Variants in TTYH3 observed in about 807,000 individuals in gnomAD.
TTYH3 encodes protein tweety homolog 3.
TTYH3 carries 23 observed loss-of-function variants against 68.2 expected under a neutral mutation model. That is an observed-to-expected ratio of 0.34 (90% CI 0.24 to 0.48). The LOEUF is 0.48. TTYH3 is among the 20% of genes least tolerant of loss of function. The pLI, the probability that TTYH3 is intolerant of heterozygous loss-of-function variation, is 0.99. For synonymous variants in TTYH3, 360 were observed against 332.8 expected, an observed-to-expected ratio of 1.08 and a Z score of -0.89; for missense variants, 768 against 727.7, an observed-to-expected ratio of 1.06 and a Z score of -0.64.
intron 9 of TTYH3, 110 bp from the exon 10 acceptor site, chr7:2,655,982 C>T (rs1044845024): frequency 5.0e-5 from 43 of 859,444 alleles, no homozygotes; most frequent in African/African-American, 1.0e-4. Context: ...GTATCTCAGT[C>T]GAAGATTATG....
At chr7:2,646,579 C>T (rs1785989427) in intron 1 of TTYH3, among the ~76,000 whole-genome samples, 1 of 152,210 alleles carries the variant, frequency 6.6e-6, no homozygotes, top group Non-Finnish European at 1.5e-5. Context: ...GTTCACCCGG[C>T]CCCTCCTAGT....
chr7:2,638,888 G>C lies in TTYH3; in HGVS notation c.123+6610G>C, dbSNP rs532607619. ...GGGGACCCACGAGGCAAAGGTAGGG[G>C]GACCCACTTCCCAGTGGCGGGCCCC... On this transcript the variant is annotated intron_variant, in intron 1 of 13. Transcript: ENST00000258796. 1.1e-3 allele frequency among the ~76,000 whole-genome samples: 166 copies of C among 152,278 alleles called. 1 individual carries two copies. Among genetic ancestry groups the C allele is most frequent in the Middle Eastern group, 6.8e-3 (2 of 294 alleles).
chr7:2,650,784 C>G (rs1786153551), intron 7 of TTYH3, among the ~76,000 whole-genome samples: 1 of 151,810 alleles, frequency 6.6e-6, no homozygotes, highest in Non-Finnish European at 1.5e-5. Context: ...TTCAAAGCTT[C>G]CTCAGGCCTC....
chr7:2,643,318 G>T (rs1441899290), intron 1 of TTYH3, among the ~76,000 whole-genome samples: 1 of 145,850 alleles, frequency 6.9e-6, no homozygotes, highest in African/African-American at 2.6e-5. Flanking sequence ...TGGCGCCACT[G>T]CACTCCAGCC....
intron 1 of TTYH3, among the ~76,000 whole-genome samples, chr7:2,641,362 G>A (rs890897681): frequency 1.3e-5 from 2 of 151,912 alleles, no homozygotes; most frequent in Non-Finnish European, 2.9e-5. Flanking sequence ...CCCCATGGAT[G>A]CCGTCTGTGG....
At chr7:2,644,088 C>T (rs1375713737) in intron 1 of TTYH3, among the ~76,000 whole-genome samples, 1 of 152,180 alleles carries the variant, frequency 6.6e-6, no homozygotes, top group Admixed American at 6.5e-5. Context: ...GGCTGGTTGA[C>T]ATGGCCCCCA....
In TTYH3 at chr7:2,661,827, C is replaced by A; in HGVS notation, c.*88C>A. The A allele has an allele frequency of 7.0e-7, 1 of 1,421,046 alleles. No homozygotes were observed. Among genetic ancestry groups the A allele is most frequent in the Non-Finnish European group, 9.6e-7 (1 of 1,040,612 alleles). The allele number at this position is 1,421,046 out of a possible 1,614,324, so 88.0% of individuals were successfully genotyped here. A position where few individuals can be genotyped will look rare whatever the true frequency, so the allele number is the denominator to read the frequency against. On this transcript the variant is annotated 3_prime_UTR_variant, in exon 14 of 14. Coordinates refer to ENST00000258796, the MANE Select transcript of TTYH3 (RefSeq NM_025250.3). ...TTCCACCTGGGCCACCCACCGGACC[C>A]TCGCACGCCGTGCCAGGCCTGCCCC...
At chr7:2,637,706 A>T (rs1421135089) in intron 1 of TTYH3, among the ~76,000 whole-genome samples, 1 of 152,094 alleles carries the variant, frequency 6.6e-6, no homozygotes, top group Admixed American at 6.5e-5. Context: ...TTGGCATGTG[A>T]CAGCGGGTGG....
intron 13 of TTYH3, chr7:2,659,970 C>T (rs937954664): frequency 3.1e-5 from 40 of 1,303,972 alleles, no homozygotes; most frequent in Non-Finnish European, 3.7e-5. Flanking sequence ...CTCTGGCAGC[C>T]ACGCGGGCTG....
At position 2,646,900 on chromosome 7, in the gene TTYH3, C is replaced by T; in HGVS notation, c.171C>T (p.Asp57=). Residue 57 remains aspartate, a synonymous_variant, in exon 2 of 14, where the codon GAC becomes GAT. Transcript: ENST00000258796. ...GAAALACLAL[D]LLFLLFYSFW... ...CCGCCCTGGCCTGCCTCGCCCTGGA[C>T]CTCCTCTTCCTGCTCTTCTACTCCT... The T allele has an allele frequency of 1.3e-6, 2 of 1,599,074 alleles. No homozygotes were observed. The highest frequency in any genetic ancestry group is 2.2e-5 in the East Asian group (1 of 44,844).
At chr7:2,656,290 C>T in intron 10 of TTYH3, 106 bp downstream of exon 10, 1 of 1,567,048 alleles carries the variant, frequency 6.4e-7, no homozygotes, top group Non-Finnish European at 8.7e-7. Flanking sequence ...GGTCCTCAGC[C>T]CTGCCTCTGG....
chr7:2,650,934 A>G (rs1388396897), intron 7 of TTYH3, among the ~76,000 whole-genome samples: 1 of 151,004 alleles, frequency 6.6e-6, no homozygotes, highest in African/African-American at 2.4e-5. Flanking sequence ...GTAGGGAGCG[A>G]GAGGGACGGA....
rs1427523073 is a variant in TTYH3, at chr7:2,647,149, A to G, written c.301A>G (p.Ile101Val). ...CGGGCCCGCCCTCTCCAGCGCCGGCATCGCAGTGGGATTCTACGGCAACGG... is the reference window on the plus strand; with the variant it reads ...CGGGCCCGCCCTCTCCAGCGCCGGCGTCGCAGTGGGATTCTACGGCAACGG... ...IIATLVCSAGIAVGFYGNGET... is the reference protein window; with the variant it reads ...IIATLVCSAGVAVGFYGNGET... The change falls in exon 3 of 14, where the codon ATC becomes GTC. Residue 101 changes from isoleucine (I) to valine (V), a missense_variant. By Grantham distance (29) the Ile-to-Val change is conservative (BLOSUM62 3). Coordinates refer to ENST00000258796, the MANE Select transcript of TTYH3 (RefSeq NM_025250.3). 1 of 1,603,662 alleles carries G rather than the reference A, an allele frequency of 6.2e-7. No individual in the cohort carries two copies.
At chr7:2,660,438 G>A (rs772599523) in intron 13 of TTYH3, 371 of 985,324 alleles carry the variant, frequency 3.8e-4, no homozygotes, top group Non-Finnish European at 4.4e-4. Flanking sequence ...TGTCAGGGGC[G>A]TGCACACGGA....
At chr7:2,652,844 G>A (rs117321865) in intron 8 of TTYH3, 74 bp from the exon 9 acceptor site, 28 of 1,280,798 alleles carry the variant, frequency 2.2e-5, no homozygotes, top group Admixed American at 1.9e-4. Flanking sequence ...GTGTCCCCGC[G>A]TTGGAGGGTC....
chr7:2,656,322 G>A lies in TTYH3; in HGVS notation c.1114-76G>A, dbSNP rs1005103796. Reference sequence around the variant, plus strand: ...CTGGGGGGCGGTCCAGGCCGCCGTGGCTGGGCTGAAGGTCTCACGCTGCCC... The same window carrying A: ...CTGGGGGGCGGTCCAGGCCGCCGTGACTGGGCTGAAGGTCTCACGCTGCCC... On this transcript the variant is annotated intron_variant, in intron 10 of 13. Coordinates refer to ENST00000258796, the MANE Select transcript of TTYH3 (RefSeq NM_025250.3). The A allele has an allele frequency of 2.5e-6, 4 of 1,576,612 alleles. No individual in the cohort carries two copies. The East Asian group carries it at 9.1e-5, about 36-fold the overall frequency.
chr7:2,652,614 C>G (rs1044208916), intron 8 of TTYH3, among the ~76,000 whole-genome samples: 5 of 152,174 alleles, frequency 3.3e-5, no homozygotes, highest in African/African-American at 4.8e-5. Flanking sequence ...CTGGTCAAGC[C>G]CTGTACACAC....
intron 5 of TTYH3, 133 bp downstream of exon 5, chr7:2,648,187 C>T (rs895401294): frequency 3.3e-5 from 26 of 795,246 alleles, no homozygotes; most frequent in Non-Finnish European, 4.7e-5. Flanking sequence ...CGGGACCCCC[C>T]TGCACTGGGC....
At chr7:2,638,338 G>C (rs1312188532) in intron 1 of TTYH3, among the ~76,000 whole-genome samples, 1 of 151,876 alleles carries the variant, frequency 6.6e-6, no homozygotes, top group African/African-American at 2.4e-5. Flanking sequence ...GCTCTTTGGT[G>C]TCTGTTCCTT....
Sources: allele counts gnomAD v4.1 joint callset (sites outside exome capture counted in the v4.1 genomes callset), GRCh38; gene constraint gnomAD v4.1.1; transcripts MANE v1.5; gene names NCBI Gene and HGNC (gene_info 2026-07-23, HGNC 2026-07-21).